Variants in CSMD3 observed in about 807,000 individuals in gnomAD.
CSMD3 encodes CUB and Sushi multiple domains 3.
Under a neutral mutation model 435.2 loss-of-function variants are expected in CSMD3, and 177 were observed. That is an observed-to-expected ratio of 0.41 (90% CI 0.36 to 0.46). CSMD3 has a LOEUF of 0.46. Ranked by LOEUF, CSMD3 falls within the 20% of genes least tolerant of loss-of-function variation. The pLI, the probability that CSMD3 is intolerant of heterozygous loss-of-function variation, is 0.34. For missense variants in CSMD3, 4,265 were observed against 4,504.6 expected (o/e 0.95, Z 1.52); for synonymous variants, 1,656 against 1,520.5 (o/e 1.09, Z -2.07).
At chr8:112,567,755 G>C (rs1401453327) in intron 24 of CSMD3, among the ~76,000 whole-genome samples, 1 of 152,032 alleles carries the variant, frequency 6.6e-6, no homozygotes, top group African/African-American at 2.4e-5. Flanking sequence ...ATGGAGAACA[G>C]AGTGATGTTT....
intron 10 of CSMD3, among the ~76,000 whole-genome samples, chr8:112,874,984 C>A (rs571317207): frequency 2.8e-4 from 43 of 152,128 alleles, no homozygotes; most frequent in African/African-American, 1.0e-3. Context: ...TTATTTTGTT[C>A]ATTAGTTGAT....
At chr8:113,388,929 A>T (rs1447767394) in intron 1 of CSMD3, among the ~76,000 whole-genome samples, 1 of 151,594 alleles carries the variant, frequency 6.6e-6, no homozygotes, top group Non-Finnish European at 1.5e-5. Flanking sequence ...TGAGTGTAAG[A>T]GCGCTGGAAG....
intron 27 of CSMD3, among the ~76,000 whole-genome samples, chr8:112,536,719 C>T (rs1563674308): frequency 6.7e-6 from 1 of 149,346 alleles, no homozygotes; most frequent in Non-Finnish European, 1.5e-5. Context: ...CACACGCATG[C>T]GTATGTTTAT....
At chr8:112,263,137 T>TAA (rs58022386) in intron 61 of CSMD3, among the ~76,000 whole-genome samples, 20 of 138,008 alleles carry the variant, frequency 1.4e-4, no homozygotes, top group African/African-American at 3.9e-4. Flanking sequence ...GCAACCTCTG[T>TAA]AAAAAAAAAA....
At chr8:113,219,067 A>G (rs1372091950) in intron 3 of CSMD3, among the ~76,000 whole-genome samples, 5 of 151,410 alleles carry the variant, frequency 3.3e-5, no homozygotes, top group South Asian at 4.1e-4. Flanking sequence ...GAATGGATGG[A>G]TATTTCCTTA....
chr8:112,519,182 C>T (rs111751311), intron 27 of CSMD3, among the ~76,000 whole-genome samples: 7 of 152,034 alleles, frequency 4.6e-5, no homozygotes, highest in African/African-American at 1.4e-4. Flanking sequence ...GAGTGATGTT[C>T]GACTAATAAA....
intron 1 of CSMD3, among the ~76,000 whole-genome samples, chr8:113,363,318 A>T (rs569168024): frequency 2.7e-4 from 26 of 94,846 alleles, no homozygotes; most frequent in African/African-American, 7.3e-4. Flanking sequence ...CCTTTATCAG[A>T]TATGTTTTGT....
At chr8:112,586,149 T>A (rs1337979176) in intron 23 of CSMD3, among the ~76,000 whole-genome samples, 10 of 151,536 alleles carry the variant, frequency 6.6e-5, no homozygotes, top group Admixed American at 2.6e-4. Context: ...AATATTTTTT[T>A]AAAAAGAAAC....
rs1819768974 is a variant in CSMD3 at position 112,291,598 on chromosome 8, G to C, written c.8886C>G (p.Asp2962Glu). ...NFTYGTVVFY[D>E]CNPGYFLFGS... is the part of the protein sequence containing the mutation. ...CAAATAAAAAATATCCAGGATTGCA[G>C]TCATAGAATACCACAGTGCCGTAAG... Residue 2962 changes from aspartate to glutamate, a missense_variant, in exon 56 of 71, where the codon GAC (aspartate) becomes GAG (glutamate). Coordinates refer to ENST00000297405, the MANE Select transcript of CSMD3 (RefSeq NM_198123.2). The C allele has an allele frequency of 3.1e-6, 5 of 1,610,206 alleles. No homozygotes were observed. Among genetic ancestry groups the C allele is most frequent in the Non-Finnish European group, 4.2e-6 (5 of 1,176,862 alleles).
chr8:113,286,227 T>C (rs545429068), intron 2 of CSMD3, among the ~76,000 whole-genome samples: 8 of 152,238 alleles, frequency 5.3e-5, no homozygotes, highest in African/African-American at 1.9e-4. Context: ...ATGTTCCCTT[T>C]TGGATGAAAA....
rs74522414 is a variant in CSMD3 at position 112,504,808 on chromosome 8, T to C, written c.4896-831A>G. Among the ~76,000 whole-genome samples the C allele has an allele frequency of 1.1e-4, 16 of 152,238 alleles. 1 individual carries two copies. The East Asian group carries it at 3.1e-3, about 29-fold the overall frequency. On this transcript the variant is annotated intron_variant, in intron 29 of 70. Transcript: ENST00000297405. Reference sequence around the variant, plus strand: ...AGACAGGGGACATGCAATCAATTTCTGTTTTTCCTAACTCATACTGTGGTA... The same window carrying C: ...AGACAGGGGACATGCAATCAATTTCCGTTTTTCCTAACTCATACTGTGGTA...
At position 113,377,005 on chromosome 8, in the gene CSMD3, A is replaced by C. The variant is rs540296787; in HGVS notation, c.178+59672T>G. The C allele has an allele frequency of 1.1e-4, 84 of 739,456 alleles. No homozygotes were observed. In the African/African-American group the frequency reaches 1.8e-3, roughly 16 times the overall value. The allele number at this position is 739,456 out of a possible 1,614,324, so 45.8% of individuals were successfully genotyped here. ...CATGACCAGCCGGGCCCGCAGCCAC[A>C]TCTTCTAGGGAGTGGGGTGGGGTGG... On this transcript the variant is annotated intron_variant, in intron 1 of 70. Coordinates refer to ENST00000297405, the MANE Select transcript of CSMD3 (RefSeq NM_198123.2).
intron 13 of CSMD3, among the ~76,000 whole-genome samples, chr8:112,779,218 C>A (rs771314390): frequency 3.3e-5 from 5 of 150,970 alleles, no homozygotes; most frequent in South Asian, 2.1e-4. Flanking sequence ...TAACATTGAC[C>A]TCAGCAGTAG....
At chr8:112,526,255 T>C (rs1006584471) in intron 27 of CSMD3, among the ~76,000 whole-genome samples, 3 of 152,074 alleles carry the variant, frequency 2.0e-5, no homozygotes, top group Non-Finnish European at 4.4e-5. Flanking sequence ...AATATCATAG[T>C]AGGGCATTTT....
chr8:112,613,754 A>C (rs1833448878), intron 22 of CSMD3, among the ~76,000 whole-genome samples: 1 of 152,174 alleles, frequency 6.6e-6, no homozygotes, highest in African/African-American at 2.4e-5. Flanking sequence ...AGAGCAAGAA[A>C]GATAAATAAT....
rs535197530 is a variant in CSMD3 at position 112,912,028 on chromosome 8, A to G, written c.1633+9599T>C. Among the ~76,000 whole-genome samples, 129 of 149,250 alleles carry G rather than the reference A, an allele frequency of 8.6e-4. 1 individual carries two copies. Among genetic ancestry groups the G allele is most frequent in the African/African-American group, 3.0e-3 (124 of 41,026 alleles). On this transcript the variant is annotated intron_variant, in intron 10 of 70. Coordinates refer to ENST00000297405, the MANE Select transcript of CSMD3 (RefSeq NM_198123.2). Reference sequence around the variant, plus strand: ...TCATCTACTGATAATCTAATATGCAATATTTGCTTTAGTGGCTTATTTCAA... The same window carrying G: ...TCATCTACTGATAATCTAATATGCAGTATTTGCTTTAGTGGCTTATTTCAA...
chr8:112,517,894 A>C (rs1362606294), intron 27 of CSMD3, among the ~76,000 whole-genome samples: 1 of 152,158 alleles, frequency 6.6e-6, no homozygotes, highest in East Asian at 1.9e-4. Flanking sequence ...ACTATATACC[A>C]CAGCAATTGC....
chr8:113,007,122 T>C (rs1252238017), intron 6 of CSMD3, among the ~76,000 whole-genome samples: 2 of 151,998 alleles, frequency 1.3e-5, no homozygotes, highest in Admixed American at 1.3e-4. Flanking sequence ...ATAGGCTTCC[T>C]CTGGACGACA....
intron 3 of CSMD3, among the ~76,000 whole-genome samples, chr8:113,236,716 A>G (rs1442354573): frequency 1.3e-5 from 2 of 152,050 alleles, no homozygotes; most frequent in Non-Finnish European, 2.9e-5. Context: ...GAGACACACA[A>G]TCAGCATCCC....
Sources: allele counts gnomAD v4.1 joint callset (sites outside exome capture counted in the v4.1 genomes callset), GRCh38; gene constraint gnomAD v4.1.1; transcripts MANE v1.5; gene names NCBI Gene and HGNC (gene_info 2026-07-23, HGNC 2026-07-21).